The following REPS2 variants were observed in gnomAD, a reference collection of about 807,000 sequenced individuals.
REPS2 encodes the protein RALBP1 associated Eps domain containing 2, also known as ralBP1-associated Eps domain-containing protein 2.
REPS2 carries 23 observed loss-of-function variants against 53.6 expected under a neutral mutation model. That is an observed-to-expected ratio of 0.43 (90% CI 0.31 to 0.61). The LOEUF (loss-of-function observed/expected upper bound fraction) is 0.61, where lower values mean the gene tolerates loss of function less well. Among genes scored for constraint, REPS2 ranks in the 20% least tolerant of loss-of-function variants. The pLI, the probability that REPS2 is intolerant of heterozygous loss-of-function variation, is 0.11. For missense variants in REPS2, 446 were observed against 534.9 expected (o/e 0.83, Z 1.64); for synonymous variants, 238 against 218.6 (o/e 1.09, Z -0.78).
Position 17,054,952 on chromosome X carries a change from T to C in REPS2, c.1114+2T>C. 8.3e-7 allele frequency: 1 copy of C among 1,208,829 alleles called. No homozygotes were observed. Among genetic ancestry groups the C allele is most frequent in the Non-Finnish European group, 1.1e-6 (1 of 894,133 alleles). On this transcript the variant is annotated splice_donor_variant, in intron 8 of 17. Transcript: ENST00000357277. LOFTEE classifies it high-confidence loss of function. ...TGCAGCCAGAATACCTGCAGGCAGG[T>C]AAGGCCTCACCATCAACTGTAAACC...
the REPS2 span, among the ~76,000 whole-genome samples, chrX:17,175,364 A>G: frequency 8.9e-6 from 1 of 112,785 alleles, no homozygotes; most frequent in Admixed American, 9.3e-5. Flanking sequence ...TCTCCATTTT[A>G]CAGATAAAGA....
chrX:17,157,559 C>T (rs1454515339), downstream of REPS2, among the ~76,000 whole-genome samples: 1 of 111,987 alleles, frequency 8.9e-6, no homozygotes, highest in East Asian at 2.8e-4. Flanking sequence ...TTGCTTGTCA[C>T]AACTGGGGGA....
chrX:16,969,626 T>C (rs2060853748), intron 1 of REPS2, among the ~76,000 whole-genome samples: 1 of 110,880 alleles, frequency 9.0e-6, no homozygotes. Context: ...CTCGGCAGGC[T>C]GAGGCAGGAG....
the REPS2 span, among the ~76,000 whole-genome samples, chrX:17,159,176 C>G: frequency 8.9e-6 from 1 of 111,867 alleles, no homozygotes; most frequent in African/African-American, 3.2e-5. Context: ...CTCTCTGACT[C>G]TAGAATTTCT....
chrX:17,185,734 G>C, the REPS2 span, among the ~76,000 whole-genome samples: 1 of 111,811 alleles, frequency 8.9e-6, no homozygotes, highest in African/African-American at 3.3e-5. Context: ...TTAAATTGAA[G>C]AGTGAGGCTG....
rs567230715 is a variant in REPS2, at chrX:17,100,402, C to T, written c.1517-3316C>T. Among the ~76,000 whole-genome samples the T allele has an allele frequency of 9.8e-5, 11 of 112,617 alleles. No homozygotes were observed. In the South Asian group the frequency reaches 2.2e-3, roughly 23 times the overall value. ...GTGCTGCGCTATTGGCGCATTGGGT[C>T]GGCCAGGGCAGTGGCGCTCAGAAAA... is the stretch of plus-strand genomic sequence containing the variant. On this transcript the variant is annotated intron_variant, in intron 13 of 17. Transcript: ENST00000357277.
chrX:17,007,906 A>G (rs2147803033), intron 2 of REPS2, among the ~76,000 whole-genome samples: 1 of 112,387 alleles, frequency 8.9e-6, no homozygotes, highest in South Asian at 3.7e-4. Context: ...TAAGAATATA[A>G]GGTTAGTAGA....
intron 8 of REPS2, among the ~76,000 whole-genome samples, chrX:17,062,057 A>C (rs1208125666): frequency 8.9e-6 from 1 of 112,681 alleles, no homozygotes; most frequent in Non-Finnish European, 1.9e-5. Context: ...TACACTAGTA[A>C]CATAGTTAAG....
At chrX:17,106,710 G>A (rs1012465267) in intron 14 of REPS2, among the ~76,000 whole-genome samples, 3 of 111,253 alleles carry the variant, frequency 2.7e-5, no homozygotes, top group Non-Finnish European at 5.7e-5. Flanking sequence ...CACCATGCCC[G>A]GCTGCCCAAA....
At chrX:16,960,590 A>T (rs1374508671) in intron 1 of REPS2, among the ~76,000 whole-genome samples, 1 of 112,212 alleles carries the variant, frequency 8.9e-6, no homozygotes, top group Non-Finnish European at 1.9e-5. Flanking sequence ...CAAAGCAAGG[A>T]TGCCCACTCT....
At chrX:16,984,678 C>G (rs1431778560) in intron 1 of REPS2, among the ~76,000 whole-genome samples, 1 of 111,904 alleles carries the variant, frequency 8.9e-6, no homozygotes, top group African/African-American at 3.2e-5. Flanking sequence ...TACAAATTGG[C>G]TTTTGTAAAC....
the REPS2 span, among the ~76,000 whole-genome samples, chrX:17,174,805 G>A: frequency 2.0e-4 from 22 of 112,377 alleles, no homozygotes; most frequent in African/African-American, 5.8e-4. Flanking sequence ...TGCCGCCGCC[G>A]CTGCTGCTGC....
intron 1 of REPS2, among the ~76,000 whole-genome samples, chrX:16,952,529 T>G (rs945535647): frequency 1.4e-4 from 16 of 112,001 alleles, no homozygotes; most frequent in African/African-American, 5.2e-4. Context: ...CAGCTTTCAT[T>G]GAGGTAAATA....
chrX:17,169,764 G>A, the REPS2 span, among the ~76,000 whole-genome samples: 1 of 112,656 alleles, frequency 8.9e-6, no homozygotes, highest in East Asian at 2.8e-4. Flanking sequence ...GTAGTGTTGA[G>A]TTTTTTGCCA....
intron 12 of REPS2, 131 bp from the exon 13 acceptor site, chrX:17,077,140 T>C: frequency 1.5e-6 from 1 of 680,529 alleles, no homozygotes; most frequent in Non-Finnish European, 2.2e-6. Flanking sequence ...GGTAATAGAA[T>C]TTATGGCTGC....
At chrX:16,954,081 G>A (rs1470712548) in intron 1 of REPS2, among the ~76,000 whole-genome samples, 1 of 110,799 alleles carries the variant, frequency 9.0e-6, no homozygotes, top group Non-Finnish European at 1.9e-5. Flanking sequence ...AGGCTCCCGA[G>A]TAGCTGGGAA....
chrX:16,967,616 A>G (rs1235857078), intron 1 of REPS2, among the ~76,000 whole-genome samples: 1 of 110,790 alleles, frequency 9.0e-6, no homozygotes, highest in Non-Finnish European at 1.9e-5. Context: ...GGGAGACGTG[A>G]TCACACCATT....
chrX:16,968,441 CCCGGACGGGGCGG>C, intron 1 of REPS2, among the ~76,000 whole-genome samples: 2 of 111,610 alleles, frequency 1.8e-5, no homozygotes, highest in Non-Finnish European at 3.8e-5. Context: ...CCCCTCACCT[CCCGGACGGGGCGG>C]CTGGCCGGGC....
chrX:17,054,900 C>T lies in REPS2; in HGVS notation c.1064C>T (p.Pro355Leu). 8.3e-7 allele frequency: 1 copy of T among 1,211,733 alleles called. No homozygotes were observed. The highest frequency in any genetic ancestry group is 1.1e-6 in the Non-Finnish European group (1 of 895,363). Residue 355 changes from proline (P) to leucine (L), a missense_variant, in exon 8 of 18, where the codon CCA (proline) becomes CTA (leucine). Coordinates refer to ENST00000357277, the MANE Select transcript of REPS2 (RefSeq NM_004726.3). The stretch of plus-strand genomic sequence containing the variant: ...ATTGTGGCTCGGAAGAACGGCTACC[C>T]ATTGCCTGAGGGCCTCCCTCCAACT... ...HLIVARKNGY[P>L]LPEGLPPTLQ...
Sources: gnomAD v4.1 joint callset for allele counts (sites outside exome capture counted in the v4.1 genomes callset) on GRCh38, gnomAD v4.1.1 for gene constraint, MANE v1.5 for transcripts, NCBI Gene and HGNC (gene_info 2026-07-23, HGNC 2026-07-21) for gene names.